Variants in WWOX observed in about 807,000 individuals in gnomAD.
The protein encoded by WWOX is WW domain-containing oxidoreductase.
A neutral mutation model predicts 46.2 loss-of-function variants in WWOX; 69 were observed. The observed-to-expected ratio is 1.49, with a 90% CI of 1.23 to 1.82. The LOEUF (loss-of-function observed/expected upper bound fraction) is 1.82. WWOX is among the 40% of genes most tolerant of loss of function. The pLI is 0.00. For synonymous variants in WWOX, 359 were observed against 202.6 expected, an observed-to-expected ratio of 1.77 and a Z score of -6.56; for missense variants, 919 against 542.6, an observed-to-expected ratio of 1.69 and a Z score of -6.89.
At chr16:78,868,094 A>G (rs2044045759) in intron 8 of WWOX, among the ~76,000 whole-genome samples, 1 of 152,234 alleles carries the variant, frequency 6.6e-6, no homozygotes, top group African/African-American at 2.4e-5. Flanking sequence ...TCATAGCAGC[A>G]TCATCCATGA....
At chr16:79,061,042 C>A (rs192934600) in intron 8 of WWOX, among the ~76,000 whole-genome samples, 1 of 152,148 alleles carries the variant, frequency 6.6e-6, no homozygotes, top group Non-Finnish European at 1.5e-5. Context: ...CAGACTTATA[C>A]ACTCACATTC....
At chr16:78,147,735 T>C (rs12935345) in intron 4 of WWOX, among the ~76,000 whole-genome samples, 25,390 of 143,222 alleles carry the variant, frequency 0.18, 2,385 homozygotes, top group East Asian at 0.21. Flanking sequence ...AGGTAGCACA[T>C]TGTCCACATG....
At chr16:78,195,533 T>G (rs924228336) in intron 5 of WWOX, among the ~76,000 whole-genome samples, 6 of 151,316 alleles carry the variant, frequency 4.0e-5, no homozygotes, top group Non-Finnish European at 7.4e-5. Flanking sequence ...GATTTCTAAG[T>G]GCTAAGAAAA....
intron 6 of WWOX, among the ~76,000 whole-genome samples, chr16:78,399,267 A>G (rs762902963): frequency 1.3e-5 from 2 of 152,228 alleles, no homozygotes; most frequent in Non-Finnish European, 1.5e-5. Context: ...ATTCTCAGTG[A>G]TAGAATCTTG....
chr16:78,971,411 C>T (rs28519412), intron 8 of WWOX, among the ~76,000 whole-genome samples: 1 of 141,774 alleles, frequency 7.1e-6, no homozygotes, highest in Admixed American at 7.4e-5. Flanking sequence ...GCCAAGGTCA[C>T]GCCACTGCTC....
chr16:78,991,791 T>G (rs946944317), intron 8 of WWOX, among the ~76,000 whole-genome samples: 1 of 152,070 alleles, frequency 6.6e-6, no homozygotes, highest in African/African-American at 2.4e-5. Flanking sequence ...TCCCATAAGC[T>G]TTCAGGAGAT....
intron 8 of WWOX, among the ~76,000 whole-genome samples, chr16:78,939,255 G>T (rs2045804217): frequency 6.6e-6 from 1 of 152,322 alleles, no homozygotes; most frequent in East Asian, 1.9e-4. Context: ...GGGCTTTAAA[G>T]ATGGATGAAA....
intron 8 of WWOX, among the ~76,000 whole-genome samples, chr16:79,149,509 C>T (rs376842450): frequency 1.6e-4 from 25 of 152,142 alleles, no homozygotes; most frequent in African/African-American, 6.0e-4. Context: ...GGAAAGCATA[C>T]TGTTTGTTGG....
chr16:78,120,541 C>A (rs1050202039), intron 4 of WWOX, among the ~76,000 whole-genome samples: 1 of 147,322 alleles, frequency 6.8e-6, no homozygotes, highest in South Asian at 2.1e-4. Context: ...CTGCAGTCCG[C>A]AGTCCGGCCT....
intron 8 of WWOX, among the ~76,000 whole-genome samples, chr16:78,548,605 G>A (rs922817895): frequency 2.6e-5 from 4 of 152,180 alleles, no homozygotes; most frequent in African/African-American, 9.7e-5. Flanking sequence ...TCAAGGAACT[G>A]ATGGGCCGGT....
chr16:79,039,309 C>T (rs538637841), intron 8 of WWOX, among the ~76,000 whole-genome samples: 4 of 152,206 alleles, frequency 2.6e-5, no homozygotes, highest in African/African-American at 9.6e-5. Flanking sequence ...GCCTCCTCTC[C>T]TGCCAGCAGA....
chr16:79,084,815 A>C (rs1186623868), intron 8 of WWOX, among the ~76,000 whole-genome samples: 1 of 152,232 alleles, frequency 6.6e-6, no homozygotes, highest in African/African-American at 2.4e-5. Flanking sequence ...TGGAAGTGAC[A>C]TAAAGTAGGA....
In WWOX at chr16:78,173,310, A is replaced by G. The variant is rs562547132; in HGVS notation, c.516+9021A>G. Among the ~76,000 whole-genome samples, 4 of 152,046 alleles carry G rather than the reference A, an allele frequency of 2.6e-5. No individual in the cohort carries two copies. In the East Asian group the frequency reaches 7.8e-4, roughly 29 times the overall value. On this transcript the variant is annotated intron_variant, in intron 5 of 8. Transcript: ENST00000566780. ...TCTCTCTCTCTTTTCTTTTTTTGAG[A>G]TAGGGTATTGCTCTGTCACCCAGGC...
intron 8 of WWOX, among the ~76,000 whole-genome samples, chr16:78,651,678 C>G (rs1220933349): frequency 6.6e-6 from 1 of 152,202 alleles, no homozygotes; most frequent in Non-Finnish European, 1.5e-5. Context: ...CCTTCTCCCA[C>G]CTGTGCAGGT....
chr16:78,427,466 C>G (rs8055651), intron 7 of WWOX, among the ~76,000 whole-genome samples: 2,049 of 152,238 alleles, frequency 0.013, 44 homozygotes, highest in African/African-American at 0.046. Flanking sequence ...GAACAACCCT[C>G]AATGGCTGCA....
rs1555560965 is a variant in WWOX at position 78,548,179 on chromosome 16, T to TAAACA, written c.1056+115427_1056+115428insAAACA. Among the ~76,000 whole-genome samples, 10 of 119,408 alleles carry TAAACA rather than the reference T, an allele frequency of 8.4e-5. 2 individuals are homozygous for TAAACA. The highest frequency in any genetic ancestry group is 1.7e-4 in the Admixed American group (2 of 11,616). The allele number at this position is 119,408 out of a possible 152,430, so 78.3% of individuals were successfully genotyped here. ...AAAAAAAAAAAAAAAAAAAAAAAAA[T>TAAACA]TACGAATTTTGCGAGGACGCAAACA... On this transcript the variant is annotated intron_variant, in intron 8 of 8. Coordinates refer to ENST00000566780, the MANE Select transcript of WWOX (RefSeq NM_016373.4).
chr16:78,424,300 G>C (rs2083025556), intron 6 of WWOX, among the ~76,000 whole-genome samples: 1 of 151,334 alleles, frequency 6.6e-6, no homozygotes, highest in South Asian at 2.1e-4. Flanking sequence ...TTTGTGTTTT[G>C]ACAGAGATGG....
intron 8 of WWOX, among the ~76,000 whole-genome samples, chr16:78,727,716 G>C (rs189802914): frequency 6.6e-6 from 1 of 152,122 alleles, no homozygotes; most frequent in Non-Finnish European, 1.5e-5. Context: ...GTAGTGCTGT[G>C]TGGGGAGGAC....
intron 8 of WWOX, among the ~76,000 whole-genome samples, chr16:78,820,045 C>G (rs1294734197): frequency 6.6e-6 from 1 of 152,266 alleles, no homozygotes; most frequent in East Asian, 1.9e-4. Flanking sequence ...TGGCATTGTT[C>G]TTACTATTTA....
Sources: gnomAD v4.1 joint callset for allele counts (sites outside exome capture counted in the v4.1 genomes callset) on GRCh38, gnomAD v4.1.1 for gene constraint, MANE v1.5 for transcripts, NCBI Gene and HGNC (gene_info 2026-07-23, HGNC 2026-07-21) for gene names.